The following AKAP7 variants were observed in gnomAD, a reference collection of about 807,000 sequenced individuals.
The protein encoded by AKAP7 is A-kinase anchoring protein 7, also known as A kinase (PRKA) anchor protein 7.
Under a neutral mutation model 39.5 loss-of-function variants are expected in AKAP7, and 39 were observed. That is an observed-to-expected ratio of 0.99 (90% CI 0.76 to 1.29). AKAP7 has a LOEUF of 1.29. Among genes scored for constraint, AKAP7 ranks in the 50% most tolerant of loss-of-function variants. The probability of loss-of-function intolerance (pLI) is 0.00; values close to 1 mark genes in which losing one functional copy is unlikely to be tolerated. For synonymous variants in AKAP7, 140 were observed against 139.1 expected (o/e 1.01, Z -0.05); for missense variants, 414 against 407.7 (o/e 1.02, Z -0.13).
At chr6:131,217,242 T>A (rs1442745745) in intron 6 of AKAP7, among the ~76,000 whole-genome samples, 1 of 152,170 alleles carries the variant, frequency 6.6e-6, no homozygotes, top group Non-Finnish European at 1.5e-5. Context: ...ATAGGTCCCT[T>A]CTTAGGCTTA....
chr6:131,211,541 G>A lies in AKAP7; in HGVS notation c.703-8120G>A, dbSNP rs536260337. On this transcript the variant is annotated intron_variant, in intron 6 of 7. Transcript: ENST00000431975. Reference sequence around the variant, plus strand: ...AGCACTTTGGGAGGCTGAGGTGGGCGGATCACGAGGTCAGGAGATTGAGAC... The same window carrying A: ...AGCACTTTGGGAGGCTGAGGTGGGCAGATCACGAGGTCAGGAGATTGAGAC... 3.6e-3 allele frequency among the ~76,000 whole-genome samples: 541 copies of A among 151,870 alleles called. 3 individuals carry two copies. Among genetic ancestry groups the A allele is most frequent in the Non-Finnish European group, 6.5e-3 (444 of 67,936 alleles).
chr6:131,138,080 T>G (rs532868090), intron 1 of AKAP7, among the ~76,000 whole-genome samples: 75 of 152,306 alleles, frequency 4.9e-4, no homozygotes, highest in South Asian at 1.5e-3. Context: ...TCTATTTCAT[T>G]GTACCCAGTC....
chr6:131,219,933 A>G, intron 7 of AKAP7, 125 bp downstream of exon 7: 4 of 657,856 alleles, frequency 6.1e-6, no homozygotes, highest in Non-Finnish European at 9.1e-6. Context: ...CCTAAATATT[A>G]TGTTTTGACA....
At chr6:131,255,793 C>T (rs1812794274) in intron 7 of AKAP7, among the ~76,000 whole-genome samples, 1 of 152,160 alleles carries the variant, frequency 6.6e-6, no homozygotes, top group South Asian at 2.1e-4. Context: ...TCATTTGCCC[C>T]TTAGAGCTAA....
intron 7 of AKAP7, among the ~76,000 whole-genome samples, chr6:131,262,618 A>ATATAT (rs1554220360): frequency 2.0e-5 from 3 of 151,884 alleles, no homozygotes; most frequent in Non-Finnish European, 2.9e-5. Context: ...TTTTTAAAAA[A>ATATAT]ATATATATAT....
At chr6:131,247,414 C>T (rs770402301) in intron 7 of AKAP7, among the ~76,000 whole-genome samples, 83 of 149,072 alleles carry the variant, frequency 5.6e-4, no homozygotes, top group Non-Finnish European at 1.0e-3. Flanking sequence ...CAACCTCCAC[C>T]TCCCAGGCTC....
intron 3 of AKAP7, among the ~76,000 whole-genome samples, chr6:131,162,591 C>T (rs571678093): frequency 1.3e-5 from 2 of 152,284 alleles, no homozygotes; most frequent in South Asian, 2.1e-4. Flanking sequence ...ATTTTCCCAT[C>T]GATAGGATAA....
intron 1 of AKAP7, among the ~76,000 whole-genome samples, chr6:131,140,287 G>T (rs1465615835): frequency 1.3e-5 from 2 of 151,788 alleles, no homozygotes; most frequent in African/African-American, 4.8e-5. Flanking sequence ...TTAAAGCTCT[G>T]CAGGTGATTC....
rs754484325 is a variant in AKAP7, at chr6:131,282,552, T to C, written c.*826T>C. On this transcript the variant is annotated 3_prime_UTR_variant, in exon 8 of 8. Coordinates refer to ENST00000431975, the MANE Select transcript of AKAP7 (RefSeq NM_016377.4). Reference sequence around the variant, plus strand: ...AGGGAGCTTTTTGAAGGAAGACTTATTAACAACAGTAATTCAGCAAATGAC... The same window carrying C: ...AGGGAGCTTTTTGAAGGAAGACTTACTAACAACAGTAATTCAGCAAATGAC... The C allele has an allele frequency of 2.0e-5, 30 of 1,535,910 alleles. No individual in the cohort carries two copies. Among genetic ancestry groups the C allele is most frequent in the Non-Finnish European group, 2.5e-5 (29 of 1,146,790 alleles).
intron 5 of AKAP7, among the ~76,000 whole-genome samples, chr6:131,185,863 T>C (rs1372922698): frequency 1.3e-5 from 2 of 152,268 alleles, no homozygotes; most frequent in African/African-American, 4.8e-5. Flanking sequence ...GCCTGTGCTT[T>C]GGTGTCACAC....
chr6:131,160,736 A>G (rs1802863533), intron 3 of AKAP7, among the ~76,000 whole-genome samples: 1 of 152,242 alleles, frequency 6.6e-6, no homozygotes, highest in African/African-American at 2.4e-5. Context: ...TTATTTCAAC[A>G]TAGTTTCTTT....
upstream of AKAP7, among the ~76,000 whole-genome samples, chr6:131,134,201 G>C (rs1346128728): frequency 6.6e-6 from 1 of 152,080 alleles, no homozygotes; most frequent in Admixed American, 6.6e-5. Context: ...CAAACTCCTG[G>C]ACTCAAGTGA....
chr6:131,250,071 A>G (rs899448674), intron 7 of AKAP7: 18 of 723,424 alleles, frequency 2.5e-5, no homozygotes, highest in Non-Finnish European at 2.7e-5. Context: ...TTCATAAACC[A>G]CAATCTCCTA....
chr6:131,246,432 A>T (rs542475156), intron 7 of AKAP7, among the ~76,000 whole-genome samples: 1 of 152,286 alleles, frequency 6.6e-6, no homozygotes, highest in African/African-American at 2.4e-5. Context: ...ATCATATCAG[A>T]TATTTTTCCT....
intron 7 of AKAP7, among the ~76,000 whole-genome samples, chr6:131,228,482 T>C (rs1208493863): frequency 6.6e-6 from 1 of 152,176 alleles, no homozygotes; most frequent in East Asian, 1.9e-4. Context: ...ATTCTAATCA[T>C]TTACAAGGCT....
chr6:131,250,301 CG>C (rs1812339816), intron 7 of AKAP7: 2 of 1,260,144 alleles, frequency 1.6e-6, no homozygotes, highest in Non-Finnish European at 2.0e-6. Flanking sequence ...AATACGGGAG[CG>C]TATAGCCACT....
At chr6:131,226,415 C>T (rs1810172219) in intron 7 of AKAP7, among the ~76,000 whole-genome samples, 1 of 152,150 alleles carries the variant, frequency 6.6e-6, no homozygotes. Flanking sequence ...GCCTGCTTGT[C>T]ATTGGGCTAT....
intron 7 of AKAP7, among the ~76,000 whole-genome samples, chr6:131,268,675 AG>A (rs1814017517): frequency 1.3e-5 from 2 of 152,232 alleles, no homozygotes; most frequent in African/African-American, 4.8e-5. Context: ...CCTTCAGAAC[AG>A]GAAAGTGACC....
At chr6:131,135,382 G>A (rs552888931), upstream of AKAP7, among the ~76,000 whole-genome samples, 611 of 152,312 alleles carry the variant, frequency 4.0e-3, 4 homozygotes, top group African/African-American at 0.014. Flanking sequence ...CGCAGTCGCC[G>A]GCCCTAGTTT....
Sources: gnomAD v4.1 joint callset for allele counts (sites outside exome capture counted in the v4.1 genomes callset) on GRCh38, gnomAD v4.1.1 for gene constraint, MANE v1.5 for transcripts, NCBI Gene and HGNC (gene_info 2026-07-23, HGNC 2026-07-21) for gene names.